Variants in SLC24A2 observed in about 807,000 individuals in gnomAD.
SLC24A2 encodes sodium/potassium/calcium exchanger 2.
A neutral mutation model predicts 62.0 loss-of-function variants in SLC24A2; 36 were observed. The observed-to-expected ratio is 0.58, with a 90% CI of 0.44 to 0.77. The LOEUF (loss-of-function observed/expected upper bound fraction) is 0.77, where lower values mean the gene tolerates loss of function less well. SLC24A2 is among the 30% of genes least tolerant of loss of function. SLC24A2 has a pLI of 0.00. For synonymous variants in SLC24A2, 358 were observed against 294.0 expected, an observed-to-expected ratio of 1.22 and a Z score of -2.23; for missense variants, 846 against 817.9, an observed-to-expected ratio of 1.03 and a Z score of -0.42.
the SLC24A2 span, among the ~76,000 whole-genome samples, chr9:20,014,070 T>C: frequency 6.6e-6 from 1 of 152,000 alleles, no homozygotes; most frequent in Non-Finnish European, 1.5e-5. Flanking sequence ...TAGCAGGGTG[T>C]GGTGGTACAT....
chr9:20,031,023 A>G, the SLC24A2 span, among the ~76,000 whole-genome samples: 2 of 152,122 alleles, frequency 1.3e-5, no homozygotes, highest in Non-Finnish European at 2.9e-5. Context: ...GGCCCGTCCA[A>G]AGACATCATG....
chr9:19,578,418 T>C (rs1836099230), intron 5 of SLC24A2, among the ~76,000 whole-genome samples: 1 of 151,844 alleles, frequency 6.6e-6, no homozygotes, highest in East Asian at 1.9e-4. Context: ...CACATTCCTC[T>C]TCTTTTTATC....
the SLC24A2 span, among the ~76,000 whole-genome samples, chr9:20,217,891 T>G: frequency 6.6e-6 from 1 of 152,238 alleles, no homozygotes; most frequent in Non-Finnish European, 1.5e-5. Context: ...TTCAACATCT[T>G]TCACTTTTGC....
chr9:20,250,252 A>C, the SLC24A2 span, among the ~76,000 whole-genome samples: 1 of 152,232 alleles, frequency 6.6e-6, no homozygotes, highest in African/African-American at 2.4e-5. Flanking sequence ...GCTATGGTAG[A>C]ACCAGAATTA....
At chr9:19,918,582 T>C in the SLC24A2 span, among the ~76,000 whole-genome samples, 1 of 151,944 alleles carries the variant, frequency 6.6e-6, no homozygotes, top group Non-Finnish European at 1.5e-5. Context: ...GCTCTAAAGG[T>C]GAGATGCAGG....
chr9:20,122,949 A>T, the SLC24A2 span, among the ~76,000 whole-genome samples: 1 of 152,208 alleles, frequency 6.6e-6, no homozygotes, highest in Non-Finnish European at 1.5e-5. Flanking sequence ...TGGAGATTTC[A>T]GCTCTTGTCT....
At chr9:19,828,736 C>CA in the SLC24A2 span, among the ~76,000 whole-genome samples, 1 of 152,046 alleles carries the variant, frequency 6.6e-6, no homozygotes, top group African/African-American at 2.4e-5. Flanking sequence ...ACAGGTGTCA[C>CA]AAAATAACAC....
In SLC24A2 at chr9:19,718,458, ATTTT is replaced by A. The variant is rs58736549; in HGVS notation, c.930+67475_930+67478del. Among the ~76,000 whole-genome samples the A allele has an allele frequency of 5.8e-4, 58 of 99,780 alleles. 1 individual carries two copies. The highest frequency in any genetic ancestry group is 2.3e-3 in the African/African-American group (52 of 22,396). 65.5% of individuals were successfully genotyped at this position (99,780 alleles called of 152,430 possible). Reference sequence around the variant, plus strand: ...CAGGTGTGCACCACCATGCCTGGCTATTTTTTTTTTTTTTTTTTTTTTTTGTAAT... The same window carrying A: ...CAGGTGTGCACCACCATGCCTGGCTATTTTTTTTTTTTTTTTTTTTGTAAT... On this transcript the variant is annotated intron_variant, in intron 2 of 10. Transcript: ENST00000341998.
intron 2 of SLC24A2, among the ~76,000 whole-genome samples, chr9:19,737,142 C>T (rs1485427308): frequency 6.6e-6 from 1 of 152,152 alleles, no homozygotes; most frequent in Non-Finnish European, 1.5e-5. Flanking sequence ...AGAACTTTGC[C>T]AGACACATCT....
chr9:19,723,406 T>G (rs1346793706), intron 2 of SLC24A2, among the ~76,000 whole-genome samples: 1 of 152,130 alleles, frequency 6.6e-6, no homozygotes. Context: ...TCTCACCTCA[T>G]TTAAAAAAAA....
rs150772720 is a variant in SLC24A2 at position 19,526,206 on chromosome 9, T to A, written c.1569+1843A>T. Among the ~76,000 whole-genome samples, 11 of 152,384 alleles carry A rather than the reference T, an allele frequency of 7.2e-5. No individual in the cohort carries two copies. In the East Asian group the frequency reaches 1.3e-3, roughly 19 times the overall value. On this transcript the variant is annotated intron_variant, in intron 9 of 10. Transcript: ENST00000341998. Reference sequence around the variant, plus strand: ...TACTTCATTTCTTTGTACTGTGTAATATTCCATTGTATGGATATACCATAT... The same window carrying A: ...TACTTCATTTCTTTGTACTGTGTAAAATTCCATTGTATGGATATACCATAT...
intron 8 of SLC24A2, among the ~76,000 whole-genome samples, chr9:19,544,144 T>G (rs931989707): frequency 1.3e-5 from 2 of 152,218 alleles, no homozygotes; most frequent in African/African-American, 4.8e-5. Context: ...TTAGGATAGT[T>G]GGCTCTTCTT....
the SLC24A2 span, among the ~76,000 whole-genome samples, chr9:19,995,405 G>T: frequency 1.3e-5 from 2 of 152,104 alleles, no homozygotes; most frequent in Non-Finnish European, 2.9e-5. Context: ...TGGCTCTGGG[G>T]AAGGAAAGAA....
chr9:20,004,652 G>A, the SLC24A2 span, among the ~76,000 whole-genome samples: 1 of 152,148 alleles, frequency 6.6e-6, no homozygotes, highest in Non-Finnish European at 1.5e-5. Flanking sequence ...AGTTTTATAA[G>A]GGATTTTTTC....
the SLC24A2 span, among the ~76,000 whole-genome samples, chr9:20,012,265 C>T: frequency 6.6e-6 from 1 of 152,148 alleles, no homozygotes; most frequent in African/African-American, 2.4e-5. Context: ...ACAATCATGG[C>T]AGAAGGTGAA....
At chr9:19,943,574 A>G in the SLC24A2 span, among the ~76,000 whole-genome samples, 1 of 152,170 alleles carries the variant, frequency 6.6e-6, no homozygotes, top group East Asian at 1.9e-4. Context: ...GCTAGCAAGA[A>G]TCATACTAAA....
the SLC24A2 span, among the ~76,000 whole-genome samples, chr9:20,103,176 G>C: frequency 6.6e-6 from 1 of 152,192 alleles, no homozygotes; most frequent in East Asian, 1.9e-4. Context: ...GGCTTGCTTA[G>C]GTAAACAAAG....
chr9:19,917,583 C>T, the SLC24A2 span, among the ~76,000 whole-genome samples: 1 of 151,834 alleles, frequency 6.6e-6, no homozygotes, highest in Non-Finnish European at 1.5e-5. Context: ...ATGGATCATG[C>T]ATATAAGCTT....
the SLC24A2 span, among the ~76,000 whole-genome samples, chr9:19,895,337 C>T: frequency 6.6e-6 from 1 of 151,658 alleles, no homozygotes; most frequent in Non-Finnish European, 1.5e-5. Flanking sequence ...CTTCTCAGGG[C>T]CTTTCTGAAC....
Sources: allele counts gnomAD v4.1 joint callset (sites outside exome capture counted in the v4.1 genomes callset), GRCh38; gene constraint gnomAD v4.1.1; transcripts MANE v1.5; gene names NCBI Gene and HGNC (gene_info 2026-07-23, HGNC 2026-07-21).